The following MBL2 variants were observed in gnomAD, a reference collection of about 807,000 sequenced individuals.
MBL2 encodes mannose-binding protein C.
A neutral mutation model predicts 12.7 loss-of-function variants in MBL2; 6 were observed. The ratio of observed to expected loss-of-function variants is 0.47; its 90% CI spans 0.26 to 0.94. The LOEUF (loss-of-function observed/expected upper bound fraction) is 0.94. MBL2 is among the 40% of genes least tolerant of loss of function. The pLI is 0.15. For synonymous variants in MBL2, 114 were observed against 112.0 expected, an observed-to-expected ratio of 1.02 and a Z score of -0.11; for missense variants, 307 against 295.2, an observed-to-expected ratio of 1.04 and a Z score of -0.29.
At position 52,770,754 on chromosome 10, in the gene MBL2, C is replaced by A. The variant is rs776919128; in HGVS notation, c.220G>T (p.Gly74Ter). The change falls in exon 3 of 5, where the codon GGA becomes TGA. Residue 74 changes from glycine to a stop codon, truncating the protein, a stop_gained. Transcript: ENST00000674931. LOFTEE classifies it high-confidence loss of function. ...GGATTTCCTGGAGGCCCCAACTTTCCAGGGGGGCCCTGTAAGCCTCTGAGC... is the reference window on the plus strand; with the variant it reads ...GGATTTCCTGGAGGCCCCAACTTTCAAGGGGGGCCCTGTAAGCCTCTGAGC... ...QGLRGLQGPP[G>*]KLGPPGNPGP... The A allele has an allele frequency of 1.3e-6, 2 of 1,513,382 alleles. No homozygotes were observed. Among genetic ancestry groups the A allele is most frequent in the Non-Finnish European group, 1.8e-6 (2 of 1,124,160 alleles). 93.7% of individuals were successfully genotyped at this position (1,513,382 alleles called of 1,614,324 possible).
intron 4 of MBL2, 67 bp downstream of exon 4, chr10:52,769,180 C>A: frequency 9.1e-7 from 1 of 1,093,092 alleles, no homozygotes. Flanking sequence ...ATGCATTCAA[C>A]AAATATTTGT....
rs76063875 is a variant in MBL2 at position 52,771,586 on chromosome 10, G to A, written c.50C>T (p.Ala17Val). ...LPLLLLSMVAASYSETVTCED... is the reference protein window; with the variant it reads ...LPLLLLSMVAVSYSETVTCED... Reference sequence around the variant, plus strand: ...ACAGGTCACAGTTTCTGAGTAAGACGCTGCCACCATACTCAGGAGAAGGAG... The same window carrying A: ...ACAGGTCACAGTTTCTGAGTAAGACACTGCCACCATACTCAGGAGAAGGAG... The change falls in exon 2 of 5, where the codon GCG becomes GTG. Residue 17 changes from alanine to valine, a missense_variant. Transcript: ENST00000674931. The A allele has an allele frequency of 1.1e-4, 183 of 1,613,810 alleles. 1 individual carries two copies. Among genetic ancestry groups the A allele is most frequent in the Admixed American group, 3.8e-4 (23 of 59,966 alleles).
chr10:52,772,040 T>C (rs36014597), intron 1 of MBL2, among the ~76,000 whole-genome samples: 44,475 of 152,000 alleles, frequency 0.29, 7,880 homozygotes, highest in African/African-American at 0.51. Flanking sequence ...TTTCTCTCCA[T>C]GTCCTCTTCG....
At position 52,766,897 on chromosome 10, in the gene MBL2, A is replaced by G. The variant is rs1840312925; in HGVS notation, c.*1240T>C. ...CCCAAGTGCCCAATAAGCATATAAA[A>G]AAGTGTTCAACCTTATTACATGTTG... On this transcript the variant is annotated 3_prime_UTR_variant, in exon 5 of 5. Coordinates refer to ENST00000674931, the MANE Select transcript of MBL2 (RefSeq NM_001378373.1). 1 of 152,038 alleles carries G rather than the reference A, an allele frequency of 6.6e-6. No homozygotes were observed. Among genetic ancestry groups the G allele is most frequent in the Non-Finnish European group, 1.5e-5 (1 of 68,030 alleles). The allele number at this position is 152,038 out of a possible 1,614,324, so 9.4% of individuals were successfully genotyped here.
Position 52,766,447 on chromosome 10 carries a change from A to G in MBL2, c.*1690T>C, listed in dbSNP as rs1354081226. 6.6e-6 allele frequency: 1 copy of G among 152,152 alleles called. No individual in the cohort carries two copies. The highest frequency in any genetic ancestry group is 1.9e-4 in the East Asian group (1 of 5,198). The allele number at this position is 152,152 out of a possible 1,614,324, so 9.4% of individuals were successfully genotyped here. A position where few individuals can be genotyped will look rare whatever the true frequency, so the allele number is the denominator to read the frequency against. The stretch of plus-strand genomic sequence containing the variant: ...GTGGAGGAAAAATGGTCTTTCCTAC[A>G]TAGTGCTGTCTCAAGTGGATATCTA... On this transcript the variant is annotated 3_prime_UTR_variant, in exon 5 of 5. Transcript: ENST00000674931.
chr10:52,771,523 C>G lies in MBL2; in HGVS notation c.113G>C (p.Cys38Ser). The change falls in exon 2 of 5, where the codon TGT becomes TCT. Residue 38 changes from cysteine (C) to serine (S), a missense_variant. Cys to Ser is a moderately radical substitution (Grantham distance 112, BLOSUM62 -1). Transcript: ENST00000674931. Reference protein sequence around the residue: ...AQKTCPAVIACSSPGINGFPG... With the variant: ...AQKTCPAVIASSSPGINGFPG... ...GAAGCCGTTGATGCCTGGAGAGCTACAGGCAATCACTGCAGGGCAGGTCTT... is the reference window on the plus strand; with the variant it reads ...GAAGCCGTTGATGCCTGGAGAGCTAGAGGCAATCACTGCAGGGCAGGTCTT... The G allele has an allele frequency of 6.2e-7, 1 of 1,613,960 alleles. No homozygotes were observed. The highest frequency in any genetic ancestry group is 8.5e-7 in the Non-Finnish European group (1 of 1,179,872).
rs1440968379 is a variant in MBL2 at position 52,767,687 on chromosome 10, TACC to T, written c.*447_*449del. The T allele has an allele frequency of 1.3e-5, 2 of 152,576 alleles. No individual in the cohort carries two copies. Among genetic ancestry groups the T allele is most frequent in the Non-Finnish European group, 2.9e-5 (2 of 68,440 alleles). 9.5% of individuals were successfully genotyped at this position (152,576 alleles called of 1,614,324 possible). A position where few individuals can be genotyped will look rare whatever the true frequency, so the allele number is the denominator to read the frequency against. On this transcript the variant is annotated 3_prime_UTR_variant, in exon 5 of 5. Coordinates refer to ENST00000674931, the MANE Select transcript of MBL2 (RefSeq NM_001378373.1). ...AAAGTTACAAAATAGATTTTCTTAA[TACC>T]TGAAACTTGGTAAAAAGCTGTGGTA...
At chr10:52,769,924 C>G (rs560238169) in intron 3 of MBL2, among the ~76,000 whole-genome samples, 1 of 152,306 alleles carries the variant, frequency 6.6e-6, no homozygotes, top group East Asian at 1.9e-4. Context: ...TCTATTACCC[C>G]ACTCCTTGAA....
Position 52,771,577 on chromosome 10 carries a change from G to A in MBL2, c.59C>T (p.Ser20Leu). The A allele has an allele frequency of 6.2e-7, 1 of 1,613,980 alleles. No homozygotes were observed. The highest frequency in any genetic ancestry group is 1.7e-5 in the Admixed American group (1 of 59,996). ...GGCATCCTCACAGGTCACAGTTTCTGAGTAAGACGCTGCCACCATACTCAG... is the reference window on the plus strand; with the variant it reads ...GGCATCCTCACAGGTCACAGTTTCTAAGTAAGACGCTGCCACCATACTCAG... ...LLLSMVAASY[S>L]ETVTCEDAQK... Residue 20 changes from serine (S) to leucine (L), a missense_variant, in exon 2 of 5, where the codon TCA becomes TTA. By Grantham distance (145) the Ser-to-Leu change is moderately radical. Transcript: ENST00000674931.
At chr10:52,769,677 T>C (rs1465250355) in intron 3 of MBL2, among the ~76,000 whole-genome samples, 1 of 152,212 alleles carries the variant, frequency 6.6e-6, no homozygotes, top group Non-Finnish European at 1.5e-5. Flanking sequence ...CGTTACTCTA[T>C]TATGACCTGG....
At chr10:52,772,210 C>A (rs1000134067) in intron 1 of MBL2, among the ~76,000 whole-genome samples, 1 of 152,164 alleles carries the variant, frequency 6.6e-6, no homozygotes, top group African/African-American at 2.4e-5. Flanking sequence ...TAGTCACCAA[C>A]CCAGCCCAGA....
rs2132691247 is a variant in MBL2 at position 52,768,403 on chromosome 10, A to G, written c.481T>C (p.Ser161Pro). 6.2e-7 allele frequency: 1 copy of G among 1,613,776 alleles called. No homozygotes were observed. Among genetic ancestry groups the G allele is most frequent in the Admixed American group, 1.7e-5 (1 of 59,984 alleles). ...GCAGCATTCCTGGGGGTGGCCACAGAGGCCTGGAACTTGACACACAAGGCC... is the reference window on the plus strand; with the variant it reads ...GCAGCATTCCTGGGGGTGGCCACAGGGGCCTGGAACTTGACACACAAGGCC... ...VKALCVKFQA[S>P]VATPRNAAEN... Residue 161 changes from serine (S) to proline (P), a missense_variant, in exon 5 of 5, where the codon TCT (serine) becomes CCT (proline). By Grantham distance (74) the Ser-to-Pro change is moderately conservative. Transcript: ENST00000674931.
Position 52,771,528 on chromosome 10 carries a change from A to G in MBL2, c.108T>C (p.Ile36=). ...CGTTGATGCCTGGAGAGCTACAGGC[A>G]ATCACTGCAGGGCAGGTCTTTTGGG... ...EDAQKTCPAV[I]ACSSPGINGF... The change falls in exon 2 of 5, where the codon ATT becomes ATC. Residue 36 remains isoleucine, a synonymous_variant. Transcript: ENST00000674931. 1.2e-6 allele frequency: 2 copies of G among 1,613,964 alleles called. No individual in the cohort carries two copies. Among genetic ancestry groups the G allele is most frequent in the Non-Finnish European group, 1.7e-6 (2 of 1,179,884 alleles).
At position 52,771,472 on chromosome 10, in the gene MBL2, G is replaced by C; in HGVS notation, c.164C>G (p.Thr55Ser). The C allele has an allele frequency of 6.2e-7, 1 of 1,613,856 alleles. No homozygotes were observed. The highest frequency in any genetic ancestry group is 1.1e-5 in the South Asian group (1 of 91,068). The change falls in exon 2 of 5, where the codon ACC (threonine) becomes AGC (serine). Residue 55 changes from threonine (T) to serine (S), a missense_variant. Transcript: ENST00000674931. ...GFPGKDGRDG[T>S]KGEKGEPGQG... Reference sequence around the variant, plus strand: ...ACCTGGTTCCCCCTTTTCTCCCTTGGTGCCATCACGCCCATCTTTGCCTGG... The same window carrying C: ...ACCTGGTTCCCCCTTTTCTCCCTTGCTGCCATCACGCCCATCTTTGCCTGG...
At position 52,768,265 on chromosome 10, in the gene MBL2, TTG is replaced by T. The variant is rs757119439; in HGVS notation, c.617_618del (p.Thr206LysfsTer6). Reference sequence around the variant, plus strand: ...TTGTTGGGTTCACCCTCGTTCCAGTTTGTGTAGGTCAGTCTATTTCCTGTCAG... The same window carrying T: ...TTGTTGGGTTCACCCTCGTTCCAGTTTGTAGGTCAGTCTATTTCCTGTCAG... Reference protein sequence around the residue: ...VDLTGNRLTYTNWNEGEPNNA... With the variant: ...VDLTGNRLTYXNWNEGEPNNA... On this transcript the variant is annotated frameshift_variant, in exon 5 of 5. Transcript: ENST00000674931. LOFTEE classifies it low-confidence loss of function (END_TRUNC). 1 of 1,613,904 alleles carries T rather than the reference TTG, an allele frequency of 6.2e-7. No individual in the cohort carries two copies. Among genetic ancestry groups the T allele is most frequent in the Non-Finnish European group, 8.5e-7 (1 of 1,180,016 alleles).
rs533598990 is a variant in MBL2, at chr10:52,770,350, C to A, written c.304+320G>T. ...CTTTTGTAAAAATAGGTATAATAAG[C>A]CCACACTTAGATGGCCTGTTTTCTC... On this transcript the variant is annotated intron_variant, in intron 3 of 4. Transcript: ENST00000674931. Among the ~76,000 whole-genome samples the A allele has an allele frequency of 2.6e-5, 4 of 152,298 alleles. No individual in the cohort carries two copies. In the South Asian group the frequency reaches 6.2e-4, roughly 24 times the overall value.
chr10:52,771,728 G>A, intron 1 of MBL2, 84 bp from the exon 2 acceptor site: 1 of 1,490,022 alleles, frequency 6.7e-7, no homozygotes, highest in Non-Finnish European at 9.0e-7. Context: ...TACAATCTGG[G>A]TGCAGGCTAT....
At chr10:52,771,710 C>T in intron 1 of MBL2, 66 bp from the exon 2 acceptor site, 1 of 1,519,092 alleles carries the variant, frequency 6.6e-7, no homozygotes, top group Non-Finnish European at 8.8e-7. Flanking sequence ...CGAGCATGCC[C>T]TCTGTCCTAC....
At chr10:52,769,370 T>C in intron 3 of MBL2, 55 bp from the exon 4 acceptor site, 1 of 1,076,062 alleles carries the variant, frequency 9.3e-7, no homozygotes. Context: ...CTCAGAACTG[T>C]GCATATACAA....
Sources: gnomAD v4.1 joint callset for allele counts (sites outside exome capture counted in the v4.1 genomes callset) on GRCh38, gnomAD v4.1.1 for gene constraint, MANE v1.5 for transcripts, NCBI Gene and HGNC (gene_info 2026-07-23, HGNC 2026-07-21) for gene names.